SSBP2: variants seen among roughly 807,000 people sequenced by gnomAD.
SSBP2 encodes the protein single-stranded DNA-binding protein 2.
SSBP2 carries 17 observed loss-of-function variants against 61.8 expected under a neutral mutation model. The observed-to-expected ratio is 0.28, with a 90% CI of 0.19 to 0.41. The LOEUF (loss-of-function observed/expected upper bound fraction) is 0.41. Among genes scored for constraint, SSBP2 ranks in the 10% least tolerant of loss-of-function variants. The pLI is 1.00. For missense variants in SSBP2, 310 were observed against 458.7 expected (o/e 0.68, Z 2.96); for synonymous variants, 139 against 141.3 (o/e 0.98, Z 0.12).
intron 3 of SSBP2, among the ~76,000 whole-genome samples, chr5:81,632,397 T>C (rs1747810669): frequency 1.3e-5 from 2 of 152,334 alleles, no homozygotes; most frequent in Non-Finnish European, 2.9e-5. Flanking sequence ...GAAGATACGA[T>C]ATTAGGGGTA....
intron 3 of SSBP2, among the ~76,000 whole-genome samples, chr5:81,630,973 GC>G (rs779594034): frequency 3.9e-5 from 6 of 152,132 alleles, no homozygotes; most frequent in Admixed American, 3.9e-4. Flanking sequence ...GGTCTCTTAT[GC>G]CATTTGTAGA....
chr5:81,566,369 T>C (rs1265821977), intron 4 of SSBP2, among the ~76,000 whole-genome samples: 2 of 152,176 alleles, frequency 1.3e-5, no homozygotes, highest in African/African-American at 4.8e-5. Flanking sequence ...ACTGTTCTTG[T>C]GGTAGTGAAT....
chr5:81,497,193 C>T (rs1047484460), intron 5 of SSBP2, among the ~76,000 whole-genome samples: 1 of 151,864 alleles, frequency 6.6e-6, no homozygotes, highest in African/African-American at 2.4e-5. Context: ...GTCTTTAGTC[C>T]AATTATTTGT....
intron 1 of SSBP2, among the ~76,000 whole-genome samples, chr5:81,745,926 C>T (rs986378214): frequency 1.4e-4 from 21 of 152,088 alleles, no homozygotes; most frequent in Admixed American, 1.4e-3. Flanking sequence ...AATCTTAAAA[C>T]AAAATAATTC....
intron 4 of SSBP2, among the ~76,000 whole-genome samples, chr5:81,526,730 T>C (rs1769970567): frequency 6.6e-6 from 1 of 151,992 alleles, no homozygotes; most frequent in Non-Finnish European, 1.5e-5. Context: ...GCACCTACTA[T>C]AGATGTGACA....
At chr5:81,461,222 A>G (rs1764516524) in intron 9 of SSBP2, 119 bp from the exon 10 acceptor site, 1 of 648,252 alleles carries the variant, frequency 1.5e-6, no homozygotes, top group Non-Finnish European at 2.4e-6. Context: ...CTAGTTTGGC[A>G]CTGAAATTAC....
chr5:81,751,314 C>T (rs1394326533), upstream of SSBP2: 1 of 555,574 alleles, frequency 1.8e-6, no homozygotes, highest in African/African-American at 1.9e-5. Context: ...CGCCTTCCCT[C>T]TCCGCTCTCC....
chr5:81,732,389 T>C (rs1007360226), intron 1 of SSBP2, among the ~76,000 whole-genome samples: 3 of 152,222 alleles, frequency 2.0e-5, no homozygotes, highest in African/African-American at 4.8e-5. Context: ...GTAACACTAA[T>C]GCACTCCGTA....
chr5:81,608,564 AACCAC>A (rs1368623042), intron 4 of SSBP2, among the ~76,000 whole-genome samples: 1 of 152,212 alleles, frequency 6.6e-6, no homozygotes, highest in Non-Finnish European at 1.5e-5. Context: ...TTCATGGTTA[AACCAC>A]ACTCAGTCTT....
chr5:81,678,981 T>C lies in SSBP2; in HGVS notation c.63-28642A>G, dbSNP rs116116246. Among the ~76,000 whole-genome samples the C allele has an allele frequency of 4.5e-3, 688 of 152,280 alleles. 4 individuals are homozygous for C. Among genetic ancestry groups the C allele is most frequent in the African/African-American group, 0.016 (661 of 41,574 alleles). ...TTAAAAAAGGAAGAGCATTATAGAA[T>C]GAATAAGTAAAGGTAAAATAAAATT... On this transcript the variant is annotated intron_variant, in intron 1 of 16. Coordinates refer to ENST00000320672, the MANE Select transcript of SSBP2 (RefSeq NM_012446.5).
At chr5:81,657,920 A>T (rs993222583) in intron 1 of SSBP2, among the ~76,000 whole-genome samples, 2 of 152,190 alleles carry the variant, frequency 1.3e-5, no homozygotes, top group African/African-American at 4.8e-5. Context: ...GATAAATAAA[A>T]ATTGTATAAA....
chr5:81,430,126 T>C (rs753827174), intron 15 of SSBP2, among the ~76,000 whole-genome samples: 1 of 152,154 alleles, frequency 6.6e-6, no homozygotes, highest in Non-Finnish European at 1.5e-5. Context: ...TTAGAATTCA[T>C]TAATTATTAA....
intron 1 of SSBP2, among the ~76,000 whole-genome samples, chr5:81,668,846 T>C (rs901097091): frequency 2.2e-4 from 33 of 152,208 alleles, no homozygotes; most frequent in Admixed American, 1.3e-4. Context: ...GAAAAGAAAA[T>C]TATCTTTACA....
chr5:81,649,221 C>CA (rs1749527768), intron 2 of SSBP2, among the ~76,000 whole-genome samples: 1 of 152,074 alleles, frequency 6.6e-6, no homozygotes, highest in Non-Finnish European at 1.5e-5. Flanking sequence ...ACCTGCTATG[C>CA]AAATTTCTTA....
chr5:81,530,470 C>T (rs1393906741), intron 4 of SSBP2, among the ~76,000 whole-genome samples: 3 of 151,852 alleles, frequency 2.0e-5, no homozygotes, highest in Non-Finnish European at 4.4e-5. Context: ...CAAGTTTTTT[C>T]ATCATCTTGT....
chr5:81,750,750 A>C, intron 1 of SSBP2: 1 of 567,198 alleles, frequency 1.8e-6, no homozygotes, highest in East Asian at 3.1e-5. Context: ...CCCTCAACAC[A>C]CCCGGTCCCT....
At chr5:81,508,713 G>A (rs573427329) in intron 5 of SSBP2, among the ~76,000 whole-genome samples, 1 of 152,238 alleles carries the variant, frequency 6.6e-6, no homozygotes, top group South Asian at 2.1e-4. Context: ...ATGAATTTAA[G>A]TCTATACTTA....
chr5:81,591,156 CA>C (rs1775471509), intron 4 of SSBP2, among the ~76,000 whole-genome samples: 1 of 152,204 alleles, frequency 6.6e-6, no homozygotes, highest in African/African-American at 2.4e-5. Flanking sequence ...AACCCTCTAG[CA>C]AACCAGCCTC....
intron 1 of SSBP2, among the ~76,000 whole-genome samples, chr5:81,695,867 T>C (rs1753567637): frequency 6.6e-6 from 1 of 152,186 alleles, no homozygotes; most frequent in South Asian, 2.1e-4. Context: ...CTTAATAATA[T>C]AATTTTTATC....
Sources: allele counts gnomAD v4.1 joint callset (sites outside exome capture counted in the v4.1 genomes callset), GRCh38; gene constraint gnomAD v4.1.1; transcripts MANE v1.5; gene names NCBI Gene and HGNC (gene_info 2026-07-23, HGNC 2026-07-21).